ALK: variants seen among roughly 807,000 people sequenced by gnomAD.
ALK encodes ALK receptor tyrosine kinase.
In ALK, 74 loss-of-function variants were observed where a neutral mutation model predicts 163.1. The observed-to-expected ratio is 0.45, with a 90% CI of 0.38 to 0.55. ALK has a LOEUF of 0.55. ALK is among the 20% of genes least tolerant of loss of function. The pLI is 0.00. For synonymous variants in ALK, 960 were observed against 843.2 expected (o/e 1.14, Z -2.40); for missense variants, 2,063 against 2,105.3 (o/e 0.98, Z 0.39).
intron 11 of ALK, among the ~76,000 whole-genome samples, chr2:29,271,816 GACCT>G (rs1244221411): frequency 6.6e-6 from 1 of 152,220 alleles, no homozygotes; most frequent in African/African-American, 2.4e-5. Context: ...GAAAATGGCA[GACCT>G]ACCTCTCACC....
chr2:29,537,361 C>T (rs558032317), intron 3 of ALK, among the ~76,000 whole-genome samples: 3 of 152,364 alleles, frequency 2.0e-5, no homozygotes, highest in East Asian at 3.9e-4. Context: ...CTGCTCCTTA[C>T]ATTCTGGCTG....
intron 1 of ALK, among the ~76,000 whole-genome samples, chr2:29,827,854 T>G (rs867542794): frequency 6.0e-4 from 92 of 152,270 alleles, no homozygotes; most frequent in African/African-American, 1.5e-3. Context: ...AGCCCGCATT[T>G]CCAAGTCAAT....
At chr2:29,739,907 T>A (rs1680006028) in intron 1 of ALK, among the ~76,000 whole-genome samples, 1 of 152,142 alleles carries the variant, frequency 6.6e-6, no homozygotes, top group Non-Finnish European at 1.5e-5. Context: ...CTCTATCATG[T>A]GTGCCAGGCA....
At chr2:29,301,134 A>G (rs1216182075) in intron 8 of ALK, among the ~76,000 whole-genome samples, 2 of 152,104 alleles carry the variant, frequency 1.3e-5, no homozygotes, top group Non-Finnish European at 2.9e-5. Context: ...ACTCCCCTAC[A>G]CCAGTCTACT....
chr2:29,208,307 C>T (rs559181453), intron 25 of ALK, among the ~76,000 whole-genome samples: 38 of 152,170 alleles, frequency 2.5e-4, no homozygotes, highest in Admixed American at 7.2e-4. Flanking sequence ...GTACAAAGTG[C>T]AGAGTAGGTG....
intron 3 of ALK, among the ~76,000 whole-genome samples, chr2:29,613,349 C>T (rs997067949): frequency 1.3e-5 from 2 of 152,166 alleles, no homozygotes; most frequent in African/African-American, 4.8e-5. Flanking sequence ...TTTTAATTGT[C>T]CAGGTTTATT....
chr2:29,618,752 A>G (rs563102788), intron 3 of ALK, among the ~76,000 whole-genome samples: 82 of 152,336 alleles, frequency 5.4e-4, no homozygotes, highest in African/African-American at 1.9e-3. Flanking sequence ...AGGCCAAGGC[A>G]GGTGGATTAC....
intron 3 of ALK, among the ~76,000 whole-genome samples, chr2:29,632,531 G>A (rs1208025480): frequency 6.6e-6 from 1 of 152,098 alleles, no homozygotes; most frequent in Non-Finnish European, 1.5e-5. Flanking sequence ...GATAGAATTG[G>A]TGGCCTTACC....
At chr2:29,315,793 T>C (rs1666816793) in intron 8 of ALK, among the ~76,000 whole-genome samples, 1 of 152,174 alleles carries the variant, frequency 6.6e-6, no homozygotes. Flanking sequence ...TTGTGGTGTC[T>C]TGAGATAGTG....
At chr2:29,810,143 C>T (rs763118784) in intron 1 of ALK, among the ~76,000 whole-genome samples, 5 of 152,036 alleles carry the variant, frequency 3.3e-5, no homozygotes, top group Non-Finnish European at 5.9e-5. Flanking sequence ...GAGAGTCAGC[C>T]GGACATGGTG....
chr2:29,255,764 G>A (rs1044699658), intron 11 of ALK, among the ~76,000 whole-genome samples: 2 of 152,068 alleles, frequency 1.3e-5, no homozygotes, highest in African/African-American at 4.8e-5. Flanking sequence ...TGATTTTCAT[G>A]ATTGACCCAC....
chr2:29,526,380 T>C (rs1403893956), intron 4 of ALK, among the ~76,000 whole-genome samples: 1 of 152,222 alleles, frequency 6.6e-6, no homozygotes, highest in African/African-American at 2.4e-5. Context: ...AGCTACGTGA[T>C]TGCTCCTGTA....
At chr2:29,491,346 T>G (rs1487265970) in intron 4 of ALK, among the ~76,000 whole-genome samples, 2 of 152,180 alleles carry the variant, frequency 1.3e-5, no homozygotes, top group Non-Finnish European at 2.9e-5. Flanking sequence ...ATGTACTCAG[T>G]AAGTATGCGT....
At chr2:29,743,576 G>A (rs192703351) in intron 1 of ALK, among the ~76,000 whole-genome samples, 4 of 152,334 alleles carry the variant, frequency 2.6e-5, no homozygotes, top group African/African-American at 7.2e-5. Context: ...ATTCCTGTTT[G>A]ACGTGGAGCC....
intron 3 of ALK, among the ~76,000 whole-genome samples, chr2:29,616,391 C>A (rs1675848077): frequency 6.6e-6 from 1 of 152,180 alleles, no homozygotes; most frequent in Non-Finnish European, 1.5e-5. Context: ...AATTCCCTAT[C>A]TAGGAATTAA....
chr2:29,713,048 T>C (rs1290686358), intron 2 of ALK, among the ~76,000 whole-genome samples: 1 of 152,210 alleles, frequency 6.6e-6, no homozygotes, highest in Non-Finnish European at 1.5e-5. Flanking sequence ...ATGCTCTCTC[T>C]GAAGCACTAA....
At chr2:29,387,285 C>G (rs1360546845) in intron 4 of ALK, among the ~76,000 whole-genome samples, 1 of 152,190 alleles carries the variant, frequency 6.6e-6, no homozygotes, top group Non-Finnish European at 1.5e-5. Flanking sequence ...CCAAAAATGC[C>G]TGAAATGTTG....
intron 1 of ALK, among the ~76,000 whole-genome samples, chr2:29,901,406 T>C (rs1165310734): frequency 6.6e-6 from 1 of 152,178 alleles, no homozygotes; most frequent in Non-Finnish European, 1.5e-5. Context: ...ATTTTTCCCT[T>C]TGAAGAGGAG....
intron 11 of ALK, among the ~76,000 whole-genome samples, chr2:29,265,177 A>G (rs887042032): frequency 6.6e-6 from 1 of 151,988 alleles, no homozygotes; most frequent in Non-Finnish European, 1.5e-5. Context: ...ATACCACCAC[A>G]CCGGCTAATT....
Sources: allele counts gnomAD v4.1 joint callset (sites outside exome capture counted in the v4.1 genomes callset), GRCh38; gene constraint gnomAD v4.1.1; transcripts MANE v1.5; gene names NCBI Gene and HGNC (gene_info 2026-07-23, HGNC 2026-07-21).